Variants in CPNE8 observed in about 807,000 individuals in gnomAD.
CPNE8 encodes the protein copine-8.
CPNE8 carries 45 observed loss-of-function variants against 81.5 expected under a neutral mutation model. The observed-to-expected ratio is 0.55, with a 90% confidence interval of 0.44 to 0.71. The LOEUF is 0.71. Among genes scored for constraint, CPNE8 ranks in the 30% least tolerant of loss-of-function variants. The probability of loss-of-function intolerance (pLI) is 0.00; values close to 1 mark genes in which losing one functional copy is unlikely to be tolerated. For missense variants in CPNE8, 594 were observed against 672.1 expected, an observed-to-expected ratio of 0.88 and a Z score of 1.28; for synonymous variants, 252 against 226.3, an observed-to-expected ratio of 1.11 and a Z score of -1.02.
chr12:38,784,254 G>C (rs1355815296), intron 6 of CPNE8, among the ~76,000 whole-genome samples: 1 of 152,174 alleles, frequency 6.6e-6, no homozygotes, highest in Non-Finnish European at 1.5e-5. Flanking sequence ...TAATGGCAGA[G>C]TTGATCATGC....
chr12:38,854,623 C>T (rs1014413433), intron 3 of CPNE8, among the ~76,000 whole-genome samples: 9 of 151,950 alleles, frequency 5.9e-5, no homozygotes, highest in African/African-American at 2.2e-4. Context: ...ACATACACAA[C>T]TCCATAAAGA....
intron 6 of CPNE8, among the ~76,000 whole-genome samples, chr12:38,815,222 A>T (rs1021371226): frequency 2.0e-5 from 3 of 152,160 alleles, no homozygotes; most frequent in Admixed American, 2.0e-4. Context: ...GACCCTTCCA[A>T]GCACATTTTC....
chr12:38,881,372 T>A (rs889226235), intron 1 of CPNE8, among the ~76,000 whole-genome samples: 2 of 152,314 alleles, frequency 1.3e-5, no homozygotes, highest in African/African-American at 4.8e-5. Context: ...ACTTTCAGAT[T>A]TGAAGCTGCA....
intron 7 of CPNE8, 53 bp downstream of exon 7, chr12:38,776,185 T>C (rs556763678): frequency 2.3e-6 from 2 of 869,174 alleles, no homozygotes; most frequent in South Asian, 4.4e-5. Context: ...CAATTTTAGA[T>C]ATAGCATTTG....
chr12:38,656,142 A>C, intron 19 of CPNE8, among the ~76,000 whole-genome samples: 1 of 151,938 alleles, frequency 6.6e-6, no homozygotes, highest in Admixed American at 6.6e-5. Flanking sequence ...ATTGAGGTTA[A>C]TTTTCTCTCT....
intron 6 of CPNE8, among the ~76,000 whole-genome samples, chr12:38,828,320 T>A (rs113039305): frequency 1.3e-5 from 2 of 152,176 alleles, no homozygotes; most frequent in Non-Finnish European, 2.9e-5. Flanking sequence ...CCAAGTCCTA[T>A]AATTATGTGA....
chr12:38,901,036 C>T (rs1026837396), intron 1 of CPNE8, among the ~76,000 whole-genome samples: 5 of 152,160 alleles, frequency 3.3e-5, no homozygotes, highest in African/African-American at 1.2e-4. Flanking sequence ...AGCTGGCCAA[C>T]ATGGTGAAAT....
chr12:38,846,599 T>A (rs989391902), intron 4 of CPNE8, among the ~76,000 whole-genome samples: 1 of 152,084 alleles, frequency 6.6e-6, no homozygotes, highest in African/African-American at 2.4e-5. Flanking sequence ...GTGCTATAAG[T>A]GCTTTTTCCC....
At chr12:38,875,657 A>G (rs1944055658) in intron 1 of CPNE8, among the ~76,000 whole-genome samples, 2 of 152,180 alleles carry the variant, frequency 1.3e-5, no homozygotes, top group Admixed American at 6.5e-5. Flanking sequence ...TTGAATCACT[A>G]TACACTGAAA....
chr12:38,764,562 A>AG (rs1941641955), intron 8 of CPNE8, among the ~76,000 whole-genome samples: 1 of 138,556 alleles, frequency 7.2e-6, no homozygotes, highest in Non-Finnish European at 1.5e-5. Flanking sequence ...GCTTGCAGTG[A>AG]GCCGAGATCC....
At chr12:38,768,525 T>A (rs1383630446) in intron 7 of CPNE8, among the ~76,000 whole-genome samples, 1 of 151,364 alleles carries the variant, frequency 6.6e-6, no homozygotes, top group Admixed American at 6.6e-5. Context: ...TTGTTTTTGT[T>A]TTTGTTTCTG....
chr12:38,781,553 T>G (rs74534820), intron 6 of CPNE8, among the ~76,000 whole-genome samples: 1,968 of 152,160 alleles, frequency 0.013, 47 homozygotes, highest in African/African-American at 0.044. Flanking sequence ...AGTTATTGTG[T>G]AATGACAAAA....
chr12:38,659,266 C>T (rs1938896837), intron 19 of CPNE8, among the ~76,000 whole-genome samples: 2 of 148,526 alleles, frequency 1.3e-5, no homozygotes, highest in African/African-American at 2.5e-5. Flanking sequence ...TCTGATAAAA[C>T]AGACTTTAAA....
At chr12:38,671,790 A>T (rs560158092) in intron 18 of CPNE8, among the ~76,000 whole-genome samples, 2 of 152,194 alleles carry the variant, frequency 1.3e-5, no homozygotes, top group African/African-American at 4.8e-5. Flanking sequence ...CATTGTTTTC[A>T]ATTTTACCTT....
rs769902367 is a variant in CPNE8, at chr12:38,829,351, T to C, written c.407+28A>G. 11 of 1,493,476 alleles carry C rather than the reference T, an allele frequency of 7.4e-6. No individual in the cohort carries two copies. The Admixed American group carries it at 1.5e-4, about 20-fold the overall frequency. 92.5% of individuals were successfully genotyped at this position (1,493,476 alleles called of 1,614,324 possible). A position where few individuals can be genotyped will look rare whatever the true frequency, so the allele number is the denominator to read the frequency against. ...AAATAGAAACTGTTAAAGTTGGCATTTCATTGTCTGAATTAAAAAATACTT... is the reference window on the plus strand; with the variant it reads ...AAATAGAAACTGTTAAAGTTGGCATCTCATTGTCTGAATTAAAAAATACTT... On this transcript the variant is annotated intron_variant, in intron 6 of 19. Coordinates refer to ENST00000331366, the MANE Select transcript of CPNE8 (RefSeq NM_153634.3).
chr12:38,799,816 G>A (rs7957115), intron 6 of CPNE8, among the ~76,000 whole-genome samples: 92,591 of 137,388 alleles, frequency 0.67, 34,573 homozygotes, highest in Non-Finnish European at 0.84. Context: ...TGCGCGAGCC[G>A]AAGCAGGGCG....
chr12:38,704,836 A>ATGTG (rs1555145211), intron 13 of CPNE8, among the ~76,000 whole-genome samples: 2 of 43,642 alleles, frequency 4.6e-5, no homozygotes, highest in African/African-American at 1.4e-4. Flanking sequence ...GTATATATAT[A>ATGTG]TATATATATA....
At chr12:38,700,185 C>T (rs1939904358) in intron 14 of CPNE8, among the ~76,000 whole-genome samples, 1 of 150,794 alleles carries the variant, frequency 6.6e-6, no homozygotes. Flanking sequence ...CACTAAGTAT[C>T]ATGTTATTTG....
Position 38,693,906 on chromosome 12 carries a change from G to A in CPNE8, c.962-68C>T, listed in dbSNP as rs111946275. 12 of 1,301,468 alleles carry A rather than the reference G, an allele frequency of 9.2e-6. No homozygotes were observed. In the East Asian group the frequency reaches 3.0e-4, roughly 32 times the overall value. The allele number at this position is 1,301,468 out of a possible 1,614,324, so 80.6% of individuals were successfully genotyped here. ...AATAAATTTAACAAAATTTTTCTTG[G>A]TGTCTATTTCAGAATGAAATATTCA... On this transcript the variant is annotated intron_variant, in intron 14 of 19. Coordinates refer to ENST00000331366, the MANE Select transcript of CPNE8 (RefSeq NM_153634.3).
Sources: gnomAD v4.1 joint callset for allele counts (sites outside exome capture counted in the v4.1 genomes callset) on GRCh38, gnomAD v4.1.1 for gene constraint, MANE v1.5 for transcripts, NCBI Gene and HGNC (gene_info 2026-07-23, HGNC 2026-07-21) for gene names.